Variants in TEKT5 observed in about 807,000 individuals in gnomAD.
TEKT5 encodes the protein tektin-5.
In TEKT5, 52 loss-of-function variants were observed where a neutral mutation model predicts 48.7. The ratio of observed to expected loss-of-function variants is 1.07; its 90% CI spans 0.86 to 1.35. The LOEUF (loss-of-function observed/expected upper bound fraction) is 1.35, where lower values mean the gene tolerates loss of function less well. TEKT5 is among the 40% of genes most tolerant of loss of function. The probability of loss-of-function intolerance (pLI) is 0.00; values close to 1 mark genes in which losing one functional copy is unlikely to be tolerated. For synonymous variants in TEKT5, 318 were observed against 267.6 expected, an observed-to-expected ratio of 1.19 and a Z score of -1.84; for missense variants, 831 against 641.6, an observed-to-expected ratio of 1.30 and a Z score of -3.19.
intron 1 of TEKT5, 135 bp from the exon 2 acceptor site, chr16:10,690,160 C>G: frequency 1.2e-6 from 1 of 818,030 alleles, no homozygotes; most frequent in Non-Finnish European, 1.9e-6. Context: ...GACCTCACTA[C>G]TGGGCATTGG....
At chr16:10,640,843 T>C (rs1897984700) in intron 5 of TEKT5, among the ~76,000 whole-genome samples, 2 of 152,170 alleles carry the variant, frequency 1.3e-5, no homozygotes, top group African/African-American at 2.4e-5. Context: ...TATTCCACCA[T>C]ATAGCTAGAC....
rs1567231114 is a variant in TEKT5, at chr16:10,663,437, T to TTCCAAGGAGA, written c.1086+12521_1086+12522insTCTCCTTGGA. 2.0e-5 allele frequency among the ~76,000 whole-genome samples: 3 copies of TTCCAAGGAGA among 151,932 alleles called. No individual in the cohort carries two copies. The East Asian group carries it at 5.8e-4, about 29-fold the overall frequency. ...TTCCAAATTGCATGAAGCCAAGGAG[T>TTCCAAGGAGA]TTCCAAGGAGATGCTTGGCTCAGTG... On this transcript the variant is annotated intron_variant, in intron 5 of 6. Coordinates refer to ENST00000283025, the MANE Select transcript of TEKT5 (RefSeq NM_144674.2).
intron 5 of TEKT5, among the ~76,000 whole-genome samples, chr16:10,637,490 G>A (rs1293148775): frequency 6.6e-6 from 1 of 152,088 alleles, no homozygotes; most frequent in Non-Finnish European, 1.5e-5. Context: ...GAGAAAGGAA[G>A]GCAAGAAGGA....
intron 5 of TEKT5, among the ~76,000 whole-genome samples, chr16:10,663,951 G>A (rs1898417201): frequency 6.6e-6 from 1 of 152,224 alleles, no homozygotes; most frequent in Non-Finnish European, 1.5e-5. Context: ...TGCATCAGCT[G>A]TTGAGAGGCT....
chr16:10,659,383 T>G (rs1215683862), intron 5 of TEKT5, among the ~76,000 whole-genome samples: 1 of 152,206 alleles, frequency 6.6e-6, no homozygotes, highest in African/African-American at 2.4e-5. Context: ...ATTTATTTAT[T>G]TATTTACTTA....
chr16:10,677,594 G>T (rs963467502), intron 4 of TEKT5, among the ~76,000 whole-genome samples: 1 of 146,380 alleles, frequency 6.8e-6, no homozygotes, highest in Non-Finnish European at 1.5e-5. Context: ...GGGCAACAGA[G>T]TAAGACCCTG....
rs144329718 is a variant in TEKT5, at chr16:10,682,555, T to C, written c.720-419A>G. Among the ~76,000 whole-genome samples, 955 of 152,312 alleles carry C rather than the reference T, an allele frequency of 6.3e-3. 13 individuals carry two copies. The highest frequency in any genetic ancestry group is 0.022 in the African/African-American group (922 of 41,564). ...GTTGCGCAGGCTGGTCTTGAACTCC[T>C]AGGCTCAAGTGATCCCCCTGCCTCA... On this transcript the variant is annotated intron_variant, in intron 3 of 6. Transcript: ENST00000283025.
intron 5 of TEKT5, among the ~76,000 whole-genome samples, chr16:10,674,252 G>A (rs1408756919): frequency 6.6e-6 from 1 of 151,752 alleles, no homozygotes; most frequent in Non-Finnish European, 1.5e-5. Flanking sequence ...CTGCTTCTCT[G>A]CTCCACCCAG....
At chr16:10,656,602 T>C (rs536505693) in intron 5 of TEKT5, among the ~76,000 whole-genome samples, 1 of 152,292 alleles carries the variant, frequency 6.6e-6, no homozygotes, top group South Asian at 2.1e-4. Flanking sequence ...GTAAGGCCTA[T>C]AGAAGTGAAC....
intron 5 of TEKT5, among the ~76,000 whole-genome samples, chr16:10,654,851 C>T (rs1898230201): frequency 6.6e-6 from 1 of 151,278 alleles, no homozygotes; most frequent in Non-Finnish European, 1.5e-5. Flanking sequence ...GCTTCTGTTT[C>T]TCTGGAGACC....
At position 10,675,971 on chromosome 16, in the gene TEKT5, C is replaced by T. The variant is rs140675693; in HGVS notation, c.1074G>A (p.Thr358=). ...EVTDVKNKLQ[T]QLAKTLQEIF... ...AGGATCTGCTCACCTTCGCCAGCTG[C>T]GTCTGCAGCTTATTCTTCACATCCG... Residue 358 remains threonine (T), a synonymous_variant, in exon 5 of 7, where the codon ACG becomes ACA. Transcript: ENST00000283025. 8.2e-5 allele frequency: 133 copies of T among 1,614,142 alleles called. 1 individual carries two copies. The highest frequency in any genetic ancestry group is 3.3e-4 in the Middle Eastern group (2 of 6,060).
intron 1 of TEKT5, chr16:10,692,480 C>G (rs74791231): frequency 6.6e-6 from 1 of 152,216 alleles, no homozygotes; most frequent in African/African-American, 2.4e-5. Flanking sequence ...AGGGAGCAGC[C>G]GATCATCTTC....
At chr16:10,668,902 G>A (rs899180792) in intron 5 of TEKT5, among the ~76,000 whole-genome samples, 2 of 151,818 alleles carry the variant, frequency 1.3e-5, no homozygotes, top group African/African-American at 4.8e-5. Flanking sequence ...AGGGAGTGGT[G>A]GGGTCTGAGG....
In TEKT5 at chr16:10,684,870, C is replaced by A. The variant is rs79475576; in HGVS notation, c.720-2734G>T. Among the ~76,000 whole-genome samples, 942 of 152,306 alleles carry A rather than the reference C, an allele frequency of 6.2e-3. 13 individuals carry two copies. Among genetic ancestry groups the A allele is most frequent in the African/African-American group, 0.021 (876 of 41,554 alleles). Reference sequence around the variant, plus strand: ...AGGAAGAGCCTTTTCTCACCTGGTGCAGCAAGGACCCCACCCTGCCCAGAT... The same window carrying A: ...AGGAAGAGCCTTTTCTCACCTGGTGAAGCAAGGACCCCACCCTGCCCAGAT... On this transcript the variant is annotated intron_variant, in intron 3 of 6. Transcript: ENST00000283025.
intron 5 of TEKT5, among the ~76,000 whole-genome samples, chr16:10,657,037 C>A (rs755823397): frequency 8.5e-5 from 13 of 152,128 alleles, no homozygotes; most frequent in Non-Finnish European, 1.8e-4. Context: ...TTGCACCCAG[C>A]CTATATTTTT....
At chr16:10,647,919 G>A (rs1898096217) in intron 5 of TEKT5, among the ~76,000 whole-genome samples, 1 of 152,208 alleles carries the variant, frequency 6.6e-6, no homozygotes, top group African/African-American at 2.4e-5. Flanking sequence ...CTGTCCTTGT[G>A]GAGTGGACAT....
intron 5 of TEKT5, among the ~76,000 whole-genome samples, chr16:10,645,209 G>C (rs1022371784): frequency 6.6e-6 from 1 of 152,164 alleles, no homozygotes; most frequent in East Asian, 1.9e-4. Context: ...ACATACTGAT[G>C]TTAAAACATG....
At chr16:10,647,838 G>A (rs1898094901) in intron 5 of TEKT5, among the ~76,000 whole-genome samples, 1 of 152,218 alleles carries the variant, frequency 6.6e-6, no homozygotes, top group East Asian at 1.9e-4. Flanking sequence ...ACAAATGTTC[G>A]TTGAGCACCT....
chr16:10,651,693 C>T (rs185793792), intron 5 of TEKT5, among the ~76,000 whole-genome samples: 4 of 152,178 alleles, frequency 2.6e-5, no homozygotes, highest in African/African-American at 7.2e-5. Context: ...GGTGTGGTGG[C>T]TCTCACCTGT....
Sources: gnomAD v4.1 joint callset for allele counts (sites outside exome capture counted in the v4.1 genomes callset) on GRCh38, gnomAD v4.1.1 for gene constraint, MANE v1.5 for transcripts, NCBI Gene and HGNC (gene_info 2026-07-23, HGNC 2026-07-21) for gene names.